TBCA: variants seen among roughly 807,000 people sequenced by gnomAD.
TBCA encodes the protein tubulin-specific chaperone A.
Under a neutral mutation model 15.8 loss-of-function variants are expected in TBCA, and 6 were observed. The observed-to-expected ratio is 0.38, with a 90% CI of 0.21 to 0.75. TBCA has a LOEUF of 0.75. TBCA is among the 30% of genes least tolerant of loss of function. TBCA has a pLI of 0.46. For missense variants in TBCA, 90 were observed against 131.2 expected (o/e 0.69, Z 1.53); for synonymous variants, 32 against 42.3 (o/e 0.76, Z 0.94).
chr5:77,776,322 G>A lies in TBCA; in HGVS notation c.-65C>T, dbSNP rs1055397486. The A allele has an allele frequency of 1.9e-6, 3 of 1,542,088 alleles. No individual in the cohort carries two copies. Among genetic ancestry groups the A allele is most frequent in the African/African-American group, 2.8e-5 (2 of 72,694 alleles). On this transcript the variant is annotated 5_prime_UTR_variant, in exon 1 of 4. Transcript: ENST00000380377. Reference sequence around the variant, plus strand: ...GGGTAACCGTGGAGGGCGACGCGCAGAGGCTGCGGCTATTTAGGCGTGGTC... The same window carrying A: ...GGGTAACCGTGGAGGGCGACGCGCAAAGGCTGCGGCTATTTAGGCGTGGTC...
chr5:77,754,689 C>T (rs1418455460), intron 1 of TBCA, among the ~76,000 whole-genome samples: 1 of 152,144 alleles, frequency 6.6e-6, no homozygotes, highest in Non-Finnish European at 1.5e-5. Flanking sequence ...TTTCATTAAA[C>T]CAATATTAAT....
intron 1 of TBCA, among the ~76,000 whole-genome samples, chr5:77,749,249 G>A (rs71632939): frequency 0.18 from 27,306 of 152,192 alleles, 2,695 homozygotes; most frequent in African/African-American, 0.25. Context: ...TCAACACTGA[G>A]TGAGTCACAA....
At chr5:77,691,660 T>G in intron 3 of TBCA, 162 bp from the exon 4 acceptor site, 1 of 1,366,230 alleles carries the variant, frequency 7.3e-7, no homozygotes, top group Non-Finnish European at 9.4e-7. Flanking sequence ...GTTTCCCACA[T>G]TCTGTTCCTT....
intron 1 of TBCA, among the ~76,000 whole-genome samples, chr5:77,728,544 A>C (rs1433555540): frequency 6.6e-6 from 1 of 152,198 alleles, no homozygotes; most frequent in African/African-American, 2.4e-5. Context: ...TGTAGAGTAC[A>C]TAAACCTCAA....
chr5:77,766,508 A>T lies in TBCA; in HGVS notation c.53+9697T>A, dbSNP rs1403353573. ...GTCTCTCACTTTTATTTATTTATTT[A>T]TTTATTTTTTTTTTTTTTTGAGACG... On this transcript the variant is annotated intron_variant, in intron 1 of 3. Transcript: ENST00000380377. Among the ~76,000 whole-genome samples, 20 of 36,128 alleles carry T rather than the reference A, an allele frequency of 5.5e-4. 4 individuals are homozygous for T. Among genetic ancestry groups the T allele is most frequent in the African/African-American group, 1.1e-3 (16 of 14,598 alleles). The allele number at this position is 36,128 out of a possible 152,430, so 23.7% of individuals were successfully genotyped here.
At chr5:77,774,244 T>C (rs1456783233) in intron 1 of TBCA, among the ~76,000 whole-genome samples, 1 of 152,224 alleles carries the variant, frequency 6.6e-6, no homozygotes, top group Non-Finnish European at 1.5e-5. Context: ...CATTTTACTC[T>C]AAAATATATT....
At chr5:77,702,176 A>C (rs1035328949) in intron 2 of TBCA, among the ~76,000 whole-genome samples, 6 of 152,136 alleles carry the variant, frequency 3.9e-5, no homozygotes, top group African/African-American at 1.4e-4. Flanking sequence ...CTGTGCCCCC[A>C]AAACCTACAG....
intron 1 of TBCA, among the ~76,000 whole-genome samples, chr5:77,762,026 G>C (rs2112508564): frequency 6.6e-6 from 1 of 152,322 alleles, no homozygotes; most frequent in Non-Finnish European, 1.5e-5. Flanking sequence ...CCTTTAATAA[G>C]TCTAATAGGC....
At chr5:77,699,862 A>C (rs1419910552) in intron 2 of TBCA, among the ~76,000 whole-genome samples, 8 of 151,878 alleles carry the variant, frequency 5.3e-5, no homozygotes, top group Non-Finnish European at 4.4e-5. Flanking sequence ...ACACGGTGAA[A>C]CCTTTTCTAT....
intron 1 of TBCA, among the ~76,000 whole-genome samples, chr5:77,733,945 C>A (rs929581057): frequency 1.7e-4 from 26 of 152,184 alleles, no homozygotes; most frequent in African/African-American, 5.8e-4. Context: ...GAAGCCAATG[C>A]TCATTTACCA....
intron 1 of TBCA, among the ~76,000 whole-genome samples, chr5:77,715,487 A>G (rs1746376451): frequency 6.6e-6 from 1 of 152,224 alleles, no homozygotes; most frequent in African/African-American, 2.4e-5. Context: ...TAATGATATA[A>G]TAAAGAAGTC....
chr5:77,751,842 GA>G (rs1164818004), intron 1 of TBCA, among the ~76,000 whole-genome samples: 1 of 152,150 alleles, frequency 6.6e-6, no homozygotes, highest in Non-Finnish European at 1.5e-5. Context: ...TGGTGGGTGG[GA>G]GGAAGCCAGT....
intron 1 of TBCA, among the ~76,000 whole-genome samples, chr5:77,761,508 C>G (rs1274606563): frequency 2.0e-5 from 3 of 151,950 alleles, no homozygotes; most frequent in Non-Finnish European, 4.4e-5. Context: ...TGGAAGGCCA[C>G]AGGGACGTCT....
At chr5:77,737,216 GATA>G (rs1245404557) in intron 1 of TBCA, among the ~76,000 whole-genome samples, 1 of 152,156 alleles carries the variant, frequency 6.6e-6, no homozygotes, top group Non-Finnish European at 1.5e-5. Flanking sequence ...ATGATAATGT[GATA>G]ATGTTTGTGG....
rs1336640764 is a variant in TBCA, at chr5:77,760,990, C to T, written c.53+15215G>A. Among the ~76,000 whole-genome samples the T allele has an allele frequency of 9.3e-5, 14 of 150,002 alleles. No individual in the cohort carries two copies. In the East Asian group the frequency reaches 2.2e-3, roughly 23 times the overall value. On this transcript the variant is annotated intron_variant, in intron 1 of 3. Coordinates refer to ENST00000380377, the MANE Select transcript of TBCA (RefSeq NM_004607.3). ...CTGGGAAGTGAGGAGCGCCTCTGCC[C>T]GGCCGCCACCCCGTCTGGGAAGTGA...
chr5:77,697,304 A>C (rs1208122458), intron 2 of TBCA, among the ~76,000 whole-genome samples: 3 of 152,260 alleles, frequency 2.0e-5, no homozygotes, highest in African/African-American at 7.2e-5. Flanking sequence ...TCTAATAAGT[A>C]AGGAGAATAC....
chr5:77,716,949 A>G (rs1207481577), intron 1 of TBCA, among the ~76,000 whole-genome samples: 1 of 152,200 alleles, frequency 6.6e-6, no homozygotes, highest in Non-Finnish European at 1.5e-5. Flanking sequence ...GGCCAAAGCT[A>G]CATAAGAGAC....
At chr5:77,751,727 GAAAGAGT>G (rs1265692737) in intron 1 of TBCA, among the ~76,000 whole-genome samples, 3 of 152,194 alleles carry the variant, frequency 2.0e-5, no homozygotes, top group Non-Finnish European at 4.4e-5. Flanking sequence ...AACTGCAAGA[GAAAGAGT>G]AATTCACATG....
At chr5:77,740,520 G>A (rs1747007767) in intron 1 of TBCA, among the ~76,000 whole-genome samples, 1 of 152,180 alleles carries the variant, frequency 6.6e-6, no homozygotes, top group Non-Finnish European at 1.5e-5. Flanking sequence ...TGGGTAGGTG[G>A]TAGTATGGTA....
Sources: allele counts gnomAD v4.1 joint callset (sites outside exome capture counted in the v4.1 genomes callset), GRCh38; gene constraint gnomAD v4.1.1; transcripts MANE v1.5; gene names NCBI Gene and HGNC (gene_info 2026-07-23, HGNC 2026-07-21).